The following PTPRD variants were observed in gnomAD, a reference collection of about 807,000 sequenced individuals.
PTPRD encodes the protein protein tyrosine phosphatase receptor type D, also known as receptor-type tyrosine-protein phosphatase delta.
A neutral mutation model predicts 214.5 loss-of-function variants in PTPRD; 34 were observed. That is an observed-to-expected ratio of 0.16 (90% CI 0.12 to 0.21). The LOEUF (loss-of-function observed/expected upper bound fraction) is 0.21, where lower values mean the gene tolerates loss of function less well. Among genes scored for constraint, PTPRD ranks in the 10% least tolerant of loss-of-function variants. The pLI is 1.00. For missense variants in PTPRD, 2,545 were observed against 2,398.7 expected (o/e 1.06, Z -1.27); for synonymous variants, 1,128 against 845.7 (o/e 1.33, Z -5.79).
intron 11 of PTPRD, among the ~76,000 whole-genome samples, chr9:8,857,098 G>T (rs759200300): frequency 6.6e-6 from 1 of 152,144 alleles, no homozygotes; most frequent in Non-Finnish European, 1.5e-5. Context: ...TTCTGCCACG[G>T]GAAGGTCTCC....
chr9:9,394,882 A>G (rs2067192166), intron 9 of PTPRD, among the ~76,000 whole-genome samples: 2 of 152,096 alleles, frequency 1.3e-5, no homozygotes, highest in African/African-American at 2.4e-5. Context: ...TCCATGCTCT[A>G]TATTTGTAAC....
At chr9:10,267,749 T>C (rs749193536) in intron 3 of PTPRD, among the ~76,000 whole-genome samples, 2 of 152,190 alleles carry the variant, frequency 1.3e-5, no homozygotes, top group Non-Finnish European at 2.9e-5. Flanking sequence ...ATTAAAGTCT[T>C]ATTTTTTTAA....
chr9:9,908,561 C>T (rs1437819507), intron 5 of PTPRD, among the ~76,000 whole-genome samples: 4 of 151,940 alleles, frequency 2.6e-5, no homozygotes, highest in African/African-American at 9.7e-5. Context: ...AATGATAGTC[C>T]ACAGATAAAA....
chr9:9,477,975 C>A (rs183622504), intron 8 of PTPRD, among the ~76,000 whole-genome samples: 5 of 152,244 alleles, frequency 3.3e-5, no homozygotes, highest in African/African-American at 1.2e-4. Flanking sequence ...GGATTGATAA[C>A]CACTGGTCTC....
At chr9:10,346,717 A>G (rs916494548) in intron 2 of PTPRD, among the ~76,000 whole-genome samples, 4 of 152,130 alleles carry the variant, frequency 2.6e-5, no homozygotes, top group Non-Finnish European at 4.4e-5. Context: ...TCTGGTAATG[A>G]GAGAGGATAT....
At chr9:10,510,834 A>T (rs141382280) in intron 2 of PTPRD, among the ~76,000 whole-genome samples, 8 of 152,204 alleles carry the variant, frequency 5.3e-5, no homozygotes, top group African/African-American at 1.9e-4. Context: ...CCTATTAACC[A>T]ACCCTTCTTC....
intron 2 of PTPRD, among the ~76,000 whole-genome samples, chr9:10,478,146 G>T (rs770135481): frequency 6.8e-6 from 1 of 146,726 alleles, no homozygotes; most frequent in Non-Finnish European, 1.5e-5. Flanking sequence ...AAAGTAAAAT[G>T]GAAAAAAAAA....
intron 8 of PTPRD, among the ~76,000 whole-genome samples, chr9:9,544,085 C>G (rs2078204830): frequency 6.6e-6 from 1 of 151,562 alleles, no homozygotes; most frequent in Non-Finnish European, 1.5e-5. Context: ...CTGTGATACA[C>G]TTCAAAATAA....
At chr9:9,730,968 T>G (rs1206899466) in intron 7 of PTPRD, among the ~76,000 whole-genome samples, 1 of 152,112 alleles carries the variant, frequency 6.6e-6, no homozygotes, top group Non-Finnish European at 1.5e-5. Context: ...AAAATCCAGG[T>G]GCAGAAAATA....
At chr9:10,150,315 G>A (rs950596145) in intron 3 of PTPRD, among the ~76,000 whole-genome samples, 5 of 152,056 alleles carry the variant, frequency 3.3e-5, no homozygotes, top group African/African-American at 9.7e-5. Context: ...TACACACCAC[G>A]GAATACTATG....
At chr9:8,748,145 T>C (rs7851535) in intron 11 of PTPRD, among the ~76,000 whole-genome samples, 11,179 of 152,124 alleles carry the variant, frequency 0.073, 1,108 homozygotes, top group African/African-American at 0.23. Flanking sequence ...TTAGAGCGGT[T>C]GTCAGCCAAC....
chr9:9,133,913 A>G (rs757191274), intron 10 of PTPRD, among the ~76,000 whole-genome samples: 28 of 152,116 alleles, frequency 1.8e-4, no homozygotes, highest in Non-Finnish European at 3.2e-4. Flanking sequence ...AAGACTCTAT[A>G]CAGCTTGAGC....
At chr9:10,225,189 T>G (rs2099584814) in intron 3 of PTPRD, among the ~76,000 whole-genome samples, 1 of 151,956 alleles carries the variant, frequency 6.6e-6, no homozygotes, top group African/African-American at 2.4e-5. Context: ...CAGTCTTATA[T>G]AAATGAATTT....
At chr9:8,523,431 T>A in intron 19 of PTPRD, 82 bp downstream of exon 19, 2 of 1,491,150 alleles carry the variant, frequency 1.3e-6, no homozygotes, top group Non-Finnish European at 1.9e-6. Flanking sequence ...ACAATGCAGC[T>A]ACATTCATTT....
intron 11 of PTPRD, among the ~76,000 whole-genome samples, chr9:8,907,421 G>C (rs1354950332): frequency 1.3e-5 from 2 of 151,150 alleles, no homozygotes; most frequent in Non-Finnish European, 1.5e-5. Flanking sequence ...GGGAGGCTGA[G>C]GCAGGAGAAT....
At chr9:9,209,234 A>G (rs1287553705) in intron 9 of PTPRD, among the ~76,000 whole-genome samples, 4 of 152,212 alleles carry the variant, frequency 2.6e-5, no homozygotes, top group African/African-American at 4.8e-5. Flanking sequence ...AGATAGAAAT[A>G]TATATTAAAA....
In PTPRD at chr9:9,516,560, A is replaced by G. The variant is rs2096843578; in HGVS notation, c.-237+58172T>C. On this transcript the variant is annotated intron_variant, in intron 8 of 45. Transcript: ENST00000381196. ...TATTTTATTTATTTATTTATTTGAG[A>G]TGGATTCTTGCTCTGTTGCCAGGCT... 2.0e-5 allele frequency among the ~76,000 whole-genome samples: 3 copies of G among 151,390 alleles called. No homozygotes were observed. In the South Asian group the frequency reaches 6.2e-4, roughly 31 times the overall value.
At chr9:8,489,669 G>A (rs2097109454) in intron 27 of PTPRD, among the ~76,000 whole-genome samples, 1 of 152,216 alleles carries the variant, frequency 6.6e-6, no homozygotes, top group African/African-American at 2.4e-5. Flanking sequence ...ACAGGCTGGA[G>A]TAAGGGTTTG....
chr9:9,234,699 A>AG (rs1383171312), intron 9 of PTPRD, among the ~76,000 whole-genome samples: 2 of 152,202 alleles, frequency 1.3e-5, no homozygotes, highest in Non-Finnish European at 2.9e-5. Flanking sequence ...AAATGCCTTC[A>AG]GTCTCTTTGC....
Sources: gnomAD v4.1 joint callset for allele counts (sites outside exome capture counted in the v4.1 genomes callset) on GRCh38, gnomAD v4.1.1 for gene constraint, MANE v1.5 for transcripts, NCBI Gene and HGNC (gene_info 2026-07-23, HGNC 2026-07-21) for gene names.